Variants in OTOG observed in about 807,000 individuals in gnomAD.
OTOG encodes the protein otogelin.
OTOG carries 296 observed loss-of-function variants against 313.8 expected under a neutral mutation model. The ratio of observed to expected loss-of-function variants is 0.94; its 90% CI spans 0.86 to 1.04. The LOEUF (loss-of-function observed/expected upper bound fraction) is 1.04. OTOG is among the 50% of genes least tolerant of loss of function. OTOG has a pLI of 0.00. For synonymous variants in OTOG, 1,533 were observed against 1,554.9 expected (o/e 0.99, Z 0.33); for missense variants, 3,948 against 3,840.1 (o/e 1.03, Z -0.74).
intron 15 of OTOG, among the ~76,000 whole-genome samples, chr11:17,566,715 A>G (rs1276647966): frequency 1.3e-5 from 2 of 152,206 alleles, no homozygotes; most frequent in Non-Finnish European, 2.9e-5. Context: ...GCATACCTCT[A>G]TAGGAAATAA....
intron 39 of OTOG, among the ~76,000 whole-genome samples, chr11:17,619,157 G>C (rs1853802705): frequency 6.6e-6 from 1 of 152,168 alleles, no homozygotes; most frequent in Non-Finnish European, 1.5e-5. Flanking sequence ...TGTAGTTCCA[G>C]CTATGCAGGA....
chr11:17,586,488 G>T lies in OTOG; in HGVS notation c.2774G>T (p.Gly925Val). 1 of 1,435,344 alleles carries T rather than the reference G, an allele frequency of 7.0e-7. No homozygotes were observed. Among genetic ancestry groups the T allele is most frequent in the Non-Finnish European group, 9.2e-7 (1 of 1,089,490 alleles). 88.9% of individuals were successfully genotyped at this position (1,435,344 alleles called of 1,614,324 possible). ...TGTCTCTACAGTCTGCTCAGACACG[G>T]GGATGCATGTTTCCTGCCAGAGGAG... The part of the protein sequence containing the change: ...CACPQGLLRH[G>V]DACFLPEECP... The change falls in exon 24 of 56, where the codon GGG becomes GTG. Residue 925 changes from glycine to valine, a missense_variant. Transcript: ENST00000399397.
intron 15 of OTOG, among the ~76,000 whole-genome samples, chr11:17,562,706 TA>T (rs1004394597): frequency 3.9e-5 from 6 of 152,078 alleles, no homozygotes; most frequent in South Asian, 2.1e-4. Flanking sequence ...CCTCAGTGTT[TA>T]AAAAAAAATC....
At chr11:17,591,211 T>A (rs1852923745) in intron 24 of OTOG, among the ~76,000 whole-genome samples, 1 of 152,210 alleles carries the variant, frequency 6.6e-6, no homozygotes, top group South Asian at 2.1e-4. Context: ...GTTAAATAGA[T>A]CTGGGTTAAA....
At chr11:17,599,735 A>C in intron 31 of OTOG, 38 bp downstream of exon 31, 1 of 1,545,952 alleles carries the variant, frequency 6.5e-7, no homozygotes, top group African/African-American at 1.4e-5. Flanking sequence ...TCAGGGGCTC[A>C]GGCACTGCCA....
intron 32 of OTOG, among the ~76,000 whole-genome samples, chr11:17,603,157 C>T (rs553595841): frequency 8.5e-5 from 13 of 152,230 alleles, no homozygotes; most frequent in East Asian, 1.9e-4. Context: ...GTGATGTTCA[C>T]GGTGGTGTGA....
chr11:17,580,719 G>A (rs1455570571), intron 23 of OTOG, among the ~76,000 whole-genome samples: 1 of 152,208 alleles, frequency 6.6e-6, no homozygotes, highest in South Asian at 2.1e-4. Context: ...CAATTATGGG[G>A]GAGAGAGGGG....
chr11:17,578,023 G>A (rs1852576509), intron 22 of OTOG, among the ~76,000 whole-genome samples: 1 of 152,150 alleles, frequency 6.6e-6, no homozygotes, highest in South Asian at 2.1e-4. Context: ...CTTTGGGGAG[G>A]AGGAGAAGTG....
intron 49 of OTOG, among the ~76,000 whole-genome samples, chr11:17,640,496 G>C (rs1003002692): frequency 6.6e-6 from 1 of 152,228 alleles, no homozygotes; most frequent in Non-Finnish European, 1.5e-5. Context: ...GTGAGAAGTA[G>C]TGTGAGCCAC....
At chr11:17,585,368 A>T (rs1304053759) in intron 23 of OTOG, among the ~76,000 whole-genome samples, 1 of 152,094 alleles carries the variant, frequency 6.6e-6, no homozygotes, top group Admixed American at 6.5e-5. Context: ...TTTGTTCCAG[A>T]TATTGGTAAT....
At position 17,642,133 on chromosome 11, in the gene OTOG, G is replaced by A; in HGVS notation, c.8302G>A (p.Ala2768Thr). Residue 2768 changes from alanine to threonine, a missense_variant, in exon 53 of 56, where the codon GCA becomes ACA. Ala to Thr is a moderately conservative substitution (Grantham distance 58). Transcript: ENST00000399397. ...NGTTSLFLPG[A>T]SWIADCARHH... The stretch of plus-strand genomic sequence containing the variant: ...CTACTTCTGTGCCCTCCAGCCCGGG[G>A]CATCCTGGATCGCAGACTGCGCCCG... 6.5e-7 allele frequency: 1 copy of A among 1,542,748 alleles called. No individual in the cohort carries two copies. The highest frequency in any genetic ancestry group is 8.8e-7 in the Non-Finnish European group (1 of 1,142,248).
At chr11:17,559,885 G>A (rs1371275442) in intron 12 of OTOG, among the ~76,000 whole-genome samples, 1 of 112,798 alleles carries the variant, frequency 8.9e-6, no homozygotes, top group Admixed American at 8.3e-5. Context: ...AGGAAGGAAG[G>A]GAGAGAGGGA....
intron 51 of OTOG, among the ~76,000 whole-genome samples, chr11:17,641,293 T>C (rs1847967346): frequency 6.6e-6 from 1 of 152,178 alleles, no homozygotes; most frequent in African/African-American, 2.4e-5. Flanking sequence ...GGGACGGATT[T>C]AGTGCCTGGA....
At chr11:17,608,098 A>T (rs1853432320) in intron 33 of OTOG, among the ~76,000 whole-genome samples, 198 bp from the exon 34 acceptor site, 1 of 151,926 alleles carries the variant, frequency 6.6e-6, no homozygotes, top group South Asian at 2.1e-4. Flanking sequence ...CAGCTCCCAG[A>T]GCCCCGTCCC....
chr11:17,643,332 T>C (rs933850308), intron 53 of OTOG, 129 bp from the exon 54 acceptor site: 61 of 583,176 alleles, frequency 1.0e-4, no homozygotes, highest in Admixed American at 9.5e-4. Context: ...GGGCCTATGC[T>C]CCTGCCCTGG....
rs1035284593 is a variant in OTOG, at chr11:17,576,541, C to T, written c.2487-15C>T. 1.9e-6 allele frequency: 3 copies of T among 1,548,050 alleles called. No individual in the cohort carries two copies. The African/African-American group carries it at 4.1e-5, about 21-fold the overall frequency. On this transcript the variant is annotated splice_polypyrimidine_tract_variant and intron_variant, in intron 20 of 55. Transcript: ENST00000399397. ...CTGAGCCTGCTCACCTTTCTTTGCT[C>T]CCATTTTTTTATAGGAACCAGTGCT...
At chr11:17,637,714 A>G (rs1267947197) in intron 47 of OTOG, among the ~76,000 whole-genome samples, 1 of 152,100 alleles carries the variant, frequency 6.6e-6, no homozygotes, top group Non-Finnish European at 1.5e-5. Context: ...TCCATCTTAC[A>G]TTTTTCCTCT....
Position 17,629,224 on chromosome 11 carries a change from C to T in OTOG, c.6620C>T (p.Pro2207Leu). The T allele has an allele frequency of 6.4e-7, 1 of 1,550,604 alleles. No homozygotes were observed. The highest frequency in any genetic ancestry group is 8.7e-7 in the Non-Finnish European group (1 of 1,147,006). ...GGCCACATGTACATGATCCTGACTC[C>T]CTCAGACATCCAGATCCAGTGGCTC... ...DTGHMYMILTPSDIQIQWLHS... is the reference protein window; with the variant it reads ...DTGHMYMILTLSDIQIQWLHS... Residue 2207 changes from proline (P) to leucine (L), a missense_variant, in exon 40 of 56, where the codon CCC becomes CTC. Pro to Leu is a moderately conservative substitution (Grantham distance 98, BLOSUM62 -3). Transcript: ENST00000399397.
chr11:17,575,008 G>A (rs1852493478), intron 20 of OTOG, 96 bp downstream of exon 20: 1 of 1,239,344 alleles, frequency 8.1e-7, no homozygotes, highest in Non-Finnish European at 1.1e-6. Flanking sequence ...GGCCTCTTGT[G>A]TCCCTCCTTC....
Sources: gnomAD v4.1 joint callset for allele counts (sites outside exome capture counted in the v4.1 genomes callset) on GRCh38, gnomAD v4.1.1 for gene constraint, MANE v1.5 for transcripts, NCBI Gene and HGNC (gene_info 2026-07-23, HGNC 2026-07-21) for gene names.